CCDC192: variants seen among roughly 807,000 people sequenced by gnomAD.
The protein encoded by CCDC192 is coiled-coil domain-containing protein 192.
chr5:127,939,277 C>T lies in CCDC192; in HGVS notation c.536-1905C>T, dbSNP rs559270308. Reference sequence around the variant, plus strand: ...GGATTACAGGTGTGCACCACCACACCTGGCTAATATTTGTATTTTTAGTAG... The same window carrying T: ...GGATTACAGGTGTGCACCACCACACTTGGCTAATATTTGTATTTTTAGTAG... On this transcript the variant is annotated intron_variant, in intron 6 of 6. Coordinates refer to ENST00000514853, the MANE Select transcript of CCDC192 (RefSeq NM_001317938.2). Among the ~76,000 whole-genome samples the T allele has an allele frequency of 3.9e-5, 6 of 151,938 alleles. No homozygotes were observed. In the East Asian group the frequency reaches 1.2e-3, roughly 30 times the overall value.
chr5:127,765,756 G>T (rs573587714), intron 3 of CCDC192, among the ~76,000 whole-genome samples: 2 of 152,296 alleles, frequency 1.3e-5, no homozygotes, highest in South Asian at 2.1e-4. Flanking sequence ...ATCAGTGGCT[G>T]GTAATTGTAA....
intron 2 of CCDC192, among the ~76,000 whole-genome samples, chr5:127,748,639 G>A (rs1032282297): frequency 7.0e-6 from 1 of 142,674 alleles, no homozygotes; most frequent in African/African-American, 2.5e-5. Flanking sequence ...TTCCAATTCT[G>A]TGAAGAAAGG....
chr5:127,925,736 A>C (rs757517036), intron 6 of CCDC192, among the ~76,000 whole-genome samples: 3 of 152,296 alleles, frequency 2.0e-5, no homozygotes, highest in Middle Eastern at 3.4e-3. Flanking sequence ...ACCCACTTCA[A>C]CTCTGCTATT....
chr5:127,817,887 C>T (rs1439099805), intron 5 of CCDC192, among the ~76,000 whole-genome samples: 1 of 152,112 alleles, frequency 6.6e-6, no homozygotes, highest in African/African-American at 2.4e-5. Context: ...CTCTGAACCA[C>T]GCTTTTAGAA....
intron 6 of CCDC192, among the ~76,000 whole-genome samples, chr5:127,923,339 C>G (rs1753776534): frequency 6.6e-6 from 1 of 151,848 alleles, no homozygotes. Flanking sequence ...TTTTAGGGGT[C>G]CTCCCTCACC....
At chr5:127,930,608 A>T (rs779715304) in intron 6 of CCDC192, among the ~76,000 whole-genome samples, 6 of 152,230 alleles carry the variant, frequency 3.9e-5, no homozygotes, top group Non-Finnish European at 7.3e-5. Context: ...TAACTCAGGT[A>T]CATGGTTATG....
intron 2 of CCDC192, among the ~76,000 whole-genome samples, chr5:127,744,303 G>T (rs1358226687): frequency 6.6e-6 from 1 of 151,742 alleles, no homozygotes; most frequent in African/African-American, 2.4e-5. Flanking sequence ...ACTTGAATCT[G>T]CATGAGAAAA....
At chr5:127,776,582 A>T (rs1041444866) in intron 3 of CCDC192, among the ~76,000 whole-genome samples, 51 of 152,242 alleles carry the variant, frequency 3.3e-4, no homozygotes, top group African/African-American at 1.2e-3. Context: ...AATGTTAATC[A>T]TCAAGATGTT....
At chr5:127,917,133 C>A (rs1237457202) in intron 6 of CCDC192, among the ~76,000 whole-genome samples, 1 of 152,162 alleles carries the variant, frequency 6.6e-6, no homozygotes, top group African/African-American at 2.4e-5. Flanking sequence ...TTCTTTAATC[C>A]TCATGAACCA....
chr5:127,866,032 T>TTTTG, intron 5 of CCDC192, among the ~76,000 whole-genome samples: 1 of 152,072 alleles, frequency 6.6e-6, no homozygotes, highest in Admixed American at 6.5e-5. Flanking sequence ...AACAGAGAGC[T>TTTTG]TTCAGGGTAG....
intron 1 of CCDC192, among the ~76,000 whole-genome samples, chr5:127,706,041 C>T (rs946692295): frequency 6.6e-6 from 1 of 151,360 alleles, no homozygotes; most frequent in Non-Finnish European, 1.5e-5. Flanking sequence ...CCAGTGTCTC[C>T]TTCCACTAAG....
At chr5:127,920,602 G>A (rs1312090002) in intron 6 of CCDC192, among the ~76,000 whole-genome samples, 1 of 151,640 alleles carries the variant, frequency 6.6e-6, no homozygotes, top group East Asian at 2.0e-4. Flanking sequence ...GTAGAGATGA[G>A]GTTTCACCAT....
intron 2 of CCDC192, among the ~76,000 whole-genome samples, chr5:127,746,805 G>C (rs116774248): frequency 1.3e-5 from 2 of 152,026 alleles, no homozygotes; most frequent in Non-Finnish European, 2.9e-5. Context: ...TGTTGGTGAC[G>C]TAGCAATATT....
intron 2 of CCDC192, among the ~76,000 whole-genome samples, chr5:127,747,603 G>A (rs1396361128): frequency 5.3e-5 from 8 of 151,894 alleles, no homozygotes; most frequent in Non-Finnish European, 8.8e-5. Context: ...ATGATTTATA[G>A]TCCTTTGGGT....
intron 3 of CCDC192, among the ~76,000 whole-genome samples, chr5:127,774,222 T>G (rs1417703308): frequency 6.6e-6 from 1 of 152,216 alleles, no homozygotes; most frequent in Non-Finnish European, 1.5e-5. Flanking sequence ...CTTTTCATTT[T>G]CTTGATTATA....
intron 6 of CCDC192, among the ~76,000 whole-genome samples, chr5:127,883,341 A>C (rs898701498): frequency 6.6e-6 from 1 of 152,186 alleles, no homozygotes. Flanking sequence ...ACCAATACAC[A>C]CCAGCAATTA....
rs35375542 is a variant in CCDC192, at chr5:127,744,093, C to CAA, written c.115-10160_115-10159dup. ...TGGGCTACAGAGCGAGACTCCGTCT[C>CAA]AAAAAAAAAAAAAAAAGGAAAAAAA... On this transcript the variant is annotated intron_variant, in intron 2 of 6. Coordinates refer to ENST00000514853, the MANE Select transcript of CCDC192 (RefSeq NM_001317938.2). Among the ~76,000 whole-genome samples the CAA allele has an allele frequency of 9.6e-4, 48 of 49,944 alleles. 1 individual carries two copies. Among genetic ancestry groups the CAA allele is most frequent in the African/African-American group, 2.2e-3 (30 of 13,646 alleles). The allele number at this position is 49,944 out of a possible 152,430, so 32.8% of individuals were successfully genotyped here.
chr5:127,767,825 T>C (rs1342928517), intron 3 of CCDC192, among the ~76,000 whole-genome samples: 1 of 152,200 alleles, frequency 6.6e-6, no homozygotes, highest in East Asian at 1.9e-4. Flanking sequence ...TAAGGATAAT[T>C]TTCCCCAAAA....
chr5:127,752,312 TGTTA>T (rs1402045521), intron 2 of CCDC192, among the ~76,000 whole-genome samples: 9 of 152,174 alleles, frequency 5.9e-5, no homozygotes, highest in African/African-American at 1.9e-4. Context: ...CCTTTCTGTT[TGTTA>T]GTTTTCCTTC....
Sources: gnomAD v4.1 joint callset for allele counts (sites outside exome capture counted in the v4.1 genomes callset) on GRCh38, gnomAD v4.1.1 for gene constraint, MANE v1.5 for transcripts, NCBI Gene and HGNC (gene_info 2026-07-23, HGNC 2026-07-21) for gene names.